The following MTMR3 variants were observed in gnomAD, a reference collection of about 807,000 sequenced individuals.
MTMR3 encodes the protein myotubularin related protein 3.
MTMR3 carries 32 observed loss-of-function variants against 132.4 expected under a neutral mutation model. The observed-to-expected ratio is 0.24, with a 90% CI of 0.18 to 0.32. The LOEUF (loss-of-function observed/expected upper bound fraction) is 0.32, where lower values mean the gene tolerates loss of function less well. Ranked by LOEUF, MTMR3 falls within the 10% of genes least tolerant of loss-of-function variation. MTMR3 has a pLI of 1.00. For missense variants in MTMR3, 1,216 were observed against 1,489.6 expected, an observed-to-expected ratio of 0.82 and a Z score of 3.02; for synonymous variants, 556 against 550.3, an observed-to-expected ratio of 1.01 and a Z score of -0.14.
At chr22:30,011,278 G>A (rs1304443929) in intron 12 of MTMR3, 4 of 152,164 alleles carry the variant, frequency 2.6e-5, no homozygotes, top group African/African-American at 9.7e-5. Context: ...GGAGGGGTGA[G>A]GGAAAGCACA....
intron 8 of MTMR3, chr22:30,001,755 C>T (rs920446582): frequency 1.4e-4 from 21 of 152,084 alleles, no homozygotes; most frequent in Non-Finnish European, 3.1e-4. Context: ...ATTACTGGCT[C>T]CCAGCTTATT....
intron 1 of MTMR3, among the ~76,000 whole-genome samples, chr22:29,907,373 G>T (rs959977083): frequency 3.3e-5 from 5 of 150,416 alleles, no homozygotes; most frequent in African/African-American, 1.0e-4. Flanking sequence ...CTGCACTCCA[G>T]CTGGGTGACA....
At chr22:29,998,612 C>T (rs906212065) in intron 7 of MTMR3, 149 bp from the exon 8 acceptor site, 10 of 382,142 alleles carry the variant, frequency 2.6e-5, no homozygotes, top group South Asian at 4.2e-5. Context: ...CACTGCACTC[C>T]GGCCTATGTG....
At chr22:29,936,650 G>A (rs752814830) in intron 1 of MTMR3, among the ~76,000 whole-genome samples, 9 of 152,144 alleles carry the variant, frequency 5.9e-5, no homozygotes, top group Non-Finnish European at 1.2e-4. Flanking sequence ...GAATGAATGG[G>A]TTTCTTGCTT....
At chr22:29,887,594 T>G (rs2064704685) in intron 1 of MTMR3, among the ~76,000 whole-genome samples, 3 of 152,208 alleles carry the variant, frequency 2.0e-5, no homozygotes, top group African/African-American at 7.2e-5. Context: ...CCAGTCGGAA[T>G]AGTCACAATG....
At chr22:29,939,331 A>T (rs573452744) in intron 1 of MTMR3, among the ~76,000 whole-genome samples, 1 of 152,346 alleles carries the variant, frequency 6.6e-6, no homozygotes, top group East Asian at 1.9e-4. Flanking sequence ...TGGGGCCAAA[A>T]GATGGGAAAG....
intron 1 of MTMR3, among the ~76,000 whole-genome samples, chr22:29,938,470 C>T (rs1379876177): frequency 6.6e-6 from 1 of 152,254 alleles, no homozygotes; most frequent in African/African-American, 2.4e-5. Context: ...TGGGGACTTC[C>T]CCCAGCCCGC....
intron 1 of MTMR3, among the ~76,000 whole-genome samples, chr22:29,901,646 C>G (rs2065004384): frequency 1.3e-5 from 2 of 152,082 alleles, no homozygotes; most frequent in South Asian, 4.2e-4. Context: ...TGTTTTTTCT[C>G]TGTTGTATTG....
intron 1 of MTMR3, among the ~76,000 whole-genome samples, chr22:29,887,866 A>C (rs940877896): frequency 1.3e-5 from 2 of 151,376 alleles, no homozygotes; most frequent in Non-Finnish European, 2.9e-5. Context: ...CATTGCATAA[A>C]GTAAAAGTAA....
At chr22:30,003,591 C>T (rs2067218587) in intron 9 of MTMR3, 1 of 152,206 alleles carries the variant, frequency 6.6e-6, no homozygotes, top group Non-Finnish European at 1.5e-5. Context: ...TATTCTTAGA[C>T]TTCTTGCTAA....
At position 30,028,433 on chromosome 22, in the gene MTMR3, C is replaced by A. The variant is rs1417098364; in HGVS notation, c.*2632C>A. On this transcript the variant is annotated 3_prime_UTR_variant, in exon 20 of 20. Transcript: ENST00000401950. ...AGGAACCTCTGCTCCTTAGCTCTTA[C>A]AGCAGGACTGTGGCATCTAGTCACT... is the stretch of plus-strand genomic sequence containing the variant. The A allele has an allele frequency of 2.0e-5, 3 of 152,422 alleles. No homozygotes were observed. The highest frequency in any genetic ancestry group is 2.9e-5 in the Non-Finnish European group (2 of 68,072). 9.4% of individuals were successfully genotyped at this position (152,422 alleles called of 1,614,324 possible).
chr22:30,019,104 G>A lies in MTMR3; in HGVS notation c.1821-376G>A, dbSNP rs140875439. On this transcript the variant is annotated intron_variant, in intron 16 of 19. Coordinates refer to ENST00000401950, the MANE Select transcript of MTMR3 (RefSeq NM_021090.4). Reference sequence around the variant, plus strand: ...CACCTATAATCCCAGCTACTCAGGAGGCTGAGGCAGGATCGCTTGAACCTG... The same window carrying A: ...CACCTATAATCCCAGCTACTCAGGAAGCTGAGGCAGGATCGCTTGAACCTG... 861 of 177,662 alleles carry A rather than the reference G, an allele frequency of 4.8e-3. 4 individuals carry two copies. The highest frequency in any genetic ancestry group is 6.5e-3 in the Non-Finnish European group (536 of 82,468). The allele number at this position is 177,662 out of a possible 1,614,324, so 11.0% of individuals were successfully genotyped here.
chr22:29,948,555 A>G (rs1483271928), intron 1 of MTMR3, among the ~76,000 whole-genome samples: 1 of 152,222 alleles, frequency 6.6e-6, no homozygotes, highest in Non-Finnish European at 1.5e-5. Context: ...GCTTATTTAT[A>G]CATGGGCGTA....
chr22:30,029,485 G>C lies in MTMR3; in HGVS notation c.*3684G>C, dbSNP rs972921443. On this transcript the variant is annotated 3_prime_UTR_variant, in exon 20 of 20. Coordinates refer to ENST00000401950, the MANE Select transcript of MTMR3 (RefSeq NM_021090.4). ...AAAGGAGAATGAACAGAAGGTGCTG[G>C]AGGACCTGTTAAACAATCTCTGGCT... is the stretch of plus-strand genomic sequence containing the variant. 1.4e-4 allele frequency: 22 copies of C among 152,332 alleles called. No individual in the cohort carries two copies. Among genetic ancestry groups the C allele is most frequent in the Middle Eastern group, 3.2e-3 (1 of 316 alleles). 9.4% of individuals were successfully genotyped at this position (152,332 alleles called of 1,614,324 possible). A position where few individuals can be genotyped will look rare whatever the true frequency, so the allele number is the denominator to read the frequency against.
chr22:29,895,794 T>A (rs1439028705), intron 1 of MTMR3, among the ~76,000 whole-genome samples: 1 of 152,080 alleles, frequency 6.6e-6, no homozygotes. Flanking sequence ...CATGACCACT[T>A]TTTGGTGCAA....
At chr22:29,907,268 C>T (rs1216077003) in intron 1 of MTMR3, among the ~76,000 whole-genome samples, 2 of 151,248 alleles carry the variant, frequency 1.3e-5, no homozygotes, top group African/African-American at 4.9e-5. Context: ...CGGGCGTCGT[C>T]GTGGGCGCCT....
At chr22:29,914,204 A>G (rs949706746) in intron 1 of MTMR3, among the ~76,000 whole-genome samples, 1 of 152,152 alleles carries the variant, frequency 6.6e-6, no homozygotes, top group African/African-American at 2.4e-5. Flanking sequence ...GTAACGGCCT[A>G]TTTTGCATTC....
Position 29,892,448 on chromosome 22 carries a change from C to T in MTMR3, c.-138+9089C>T, listed in dbSNP as rs151047672. On this transcript the variant is annotated intron_variant, in intron 1 of 19. Transcript: ENST00000401950. ...GACTGAGTGAAGGTATGAATAATTG[C>T]TACTTGCTCTCCTTTGCTTTCAAAG... Among the ~76,000 whole-genome samples, 13 of 152,266 alleles carry T rather than the reference C, an allele frequency of 8.5e-5. No individual in the cohort carries two copies. The East Asian group carries it at 2.5e-3, about 29-fold the overall frequency.
chr22:30,007,522 G>A (rs2067298251), intron 10 of MTMR3: 1 of 620,156 alleles, frequency 1.6e-6, no homozygotes, highest in Admixed American at 3.0e-5. Context: ...CAAGATATTA[G>A]TGTGTTTGTT....
Sources: gnomAD v4.1 joint callset for allele counts (sites outside exome capture counted in the v4.1 genomes callset) on GRCh38, gnomAD v4.1.1 for gene constraint, MANE v1.5 for transcripts, NCBI Gene and HGNC (gene_info 2026-07-23, HGNC 2026-07-21) for gene names.